TRIM4: variants seen among roughly 807,000 people sequenced by gnomAD.
The protein encoded by TRIM4 is tripartite motif containing 4.
In TRIM4, 29 loss-of-function variants were observed where a neutral mutation model predicts 33.7. The observed-to-expected ratio is 0.86, with a 90% CI of 0.64 to 1.17. The LOEUF (loss-of-function observed/expected upper bound fraction) is 1.17, where lower values mean the gene tolerates loss of function less well. Ranked by LOEUF, TRIM4 falls within the 50% of genes most tolerant of loss-of-function variation. The pLI is 0.00. For missense variants in TRIM4, 554 were observed against 593.7 expected (o/e 0.93, Z 0.69); for synonymous variants, 224 against 233.0 (o/e 0.96, Z 0.35).
chr7:99,895,317 G>A (rs1157156857), intron 5 of TRIM4, among the ~76,000 whole-genome samples: 2 of 151,994 alleles, frequency 1.3e-5, no homozygotes, highest in African/African-American at 4.8e-5. Flanking sequence ...TTAATTCAAG[G>A]GTTACTAAAA....
At chr7:99,893,808 TTAA>T (rs1267761560) in intron 5 of TRIM4, among the ~76,000 whole-genome samples, 1 of 152,108 alleles carries the variant, frequency 6.6e-6, no homozygotes. Flanking sequence ...ACTCAATGTG[TTAA>T]TAATGTCCTC....
chr7:99,892,131 G>A lies in TRIM4; in HGVS notation c.*32C>T, dbSNP rs954132880. On this transcript the variant is annotated 3_prime_UTR_variant, in exon 6 of 6. Transcript: ENST00000349062. The stretch of plus-strand genomic sequence containing the variant: ...ATGTGTGTCCCTCAGCTGGACTACA[G>A]GGAAGGAGTTTTGGTCAGGGGAAGA... 11 of 1,560,692 alleles carry A rather than the reference G, an allele frequency of 7.0e-6. No individual in the cohort carries two copies. Among genetic ancestry groups the A allele is most frequent in the Non-Finnish European group, 9.5e-6 (11 of 1,152,990 alleles).
intron 2 of TRIM4, 73 bp downstream of exon 2, chr7:99,909,492 C>T: frequency 7.5e-7 from 1 of 1,337,410 alleles, no homozygotes; most frequent in Non-Finnish European, 1.1e-6. Flanking sequence ...ACCAAAAGGA[C>T]CTCAGAAGCA....
rs770148766 is a variant in TRIM4, at chr7:99,919,374, A to T, written c.28T>A (p.Leu10Met). ...TAGTCCAGGCAGATGGGGCAGGTCAACTCCTCCTGGATGTCCTCAGCTTCC... is the reference window on the plus strand; with the variant it reads ...TAGTCCAGGCAGATGGGGCAGGTCATCTCCTCCTGGATGTCCTCAGCTTCC... The part of the protein sequence containing the change: MEAEDIQEE[L>M]TCPICLDYFQ... Residue 10 changes from leucine to methionine, a missense_variant, in exon 1 of 6, where the codon TTG (leucine) becomes ATG (methionine). Leu to Met is a conservative substitution (Grantham distance 15, BLOSUM62 2). Coordinates refer to ENST00000349062, the MANE Select transcript of TRIM4 (RefSeq NM_033091.3). The T allele has an allele frequency of 6.4e-7, 1 of 1,574,786 alleles. No individual in the cohort carries two copies. The highest frequency in any genetic ancestry group is 8.6e-7 in the Non-Finnish European group (1 of 1,162,436).
At chr7:99,897,979 G>A (rs926676697) in intron 5 of TRIM4, among the ~76,000 whole-genome samples, 6 of 152,344 alleles carry the variant, frequency 3.9e-5, no homozygotes, top group African/African-American at 1.4e-4. Flanking sequence ...GGTGCACATG[G>A]TGACCTCTTT....
At chr7:99,912,126 T>G (rs1819459353) in intron 1 of TRIM4, among the ~76,000 whole-genome samples, 1 of 152,190 alleles carries the variant, frequency 6.6e-6, no homozygotes, top group Non-Finnish European at 1.5e-5. Context: ...GGAAAGGGCA[T>G]GAAAGAATTC....
At chr7:99,902,758 C>T (rs953350709) in intron 5 of TRIM4, among the ~76,000 whole-genome samples, 3 of 151,914 alleles carry the variant, frequency 2.0e-5, no homozygotes, top group African/African-American at 7.3e-5. Flanking sequence ...TTCTCCACAC[C>T]TTAGCTCATG....
At position 99,905,582 on chromosome 7, in the gene TRIM4, G is replaced by C. The variant is rs114259666; in HGVS notation, c.721-1984C>G. ...GGATAAGTCTTTGCTGGGAGCTGAA[G>C]GCAGGCATGTCCTGTGCATTACAGA... On this transcript the variant is annotated intron_variant, in intron 3 of 5. Transcript: ENST00000349062. Among the ~76,000 whole-genome samples, 1,242 of 152,232 alleles carry C rather than the reference G, an allele frequency of 8.2e-3. 19 individuals are homozygous for C. Among genetic ancestry groups the C allele is most frequent in the African/African-American group, 0.028 (1,164 of 41,542 alleles).
intron 5 of TRIM4, among the ~76,000 whole-genome samples, chr7:99,897,513 T>A (rs1187228443): frequency 6.6e-6 from 1 of 152,160 alleles, no homozygotes; most frequent in African/African-American, 2.4e-5. Flanking sequence ...ATGCACTGTA[T>A]ACATGTATTG....
intron 5 of TRIM4, among the ~76,000 whole-genome samples, chr7:99,898,061 T>C (rs1819063000): frequency 6.6e-6 from 1 of 152,206 alleles, no homozygotes; most frequent in Non-Finnish European, 1.5e-5. Flanking sequence ...CCATGGGGCA[T>C]CCATGCTGCT....
At position 99,908,402 on chromosome 7, in the gene TRIM4, T is replaced by C. The variant is rs1355584112; in HGVS notation, c.720+180A>G. The C allele has an allele frequency of 6.9e-6, 4 of 582,516 alleles. No individual in the cohort carries two copies. The African/African-American group carries it at 7.4e-5, about 11-fold the overall frequency. The allele number at this position is 582,516 out of a possible 1,614,324, so 36.1% of individuals were successfully genotyped here. ...ATGAGCTGAGCTCAGCATACCTACA[T>C]TTCACATTAATTTCCTTTGAATGGT... On this transcript the variant is annotated intron_variant, in intron 3 of 5. Coordinates refer to ENST00000349062, the MANE Select transcript of TRIM4 (RefSeq NM_033091.3).
chr7:99,916,783 A>C (rs1187469951), intron 1 of TRIM4: 2 of 780,856 alleles, frequency 2.6e-6, no homozygotes. Flanking sequence ...TACCTGTCTA[A>C]AACAAAAAAA....
intron 1 of TRIM4, chr7:99,916,720 C>A: frequency 1.3e-6 from 1 of 781,034 alleles, no homozygotes; most frequent in South Asian, 1.3e-5. Context: ...TAAAATGGTA[C>A]AAGAGCAGCC....
intron 5 of TRIM4, among the ~76,000 whole-genome samples, chr7:99,894,689 G>C (rs1262217411): frequency 6.7e-6 from 1 of 148,510 alleles, no homozygotes; most frequent in Non-Finnish European, 1.5e-5. Context: ...AAAAAGAAAA[G>C]AAAAGAAAGA....
At chr7:99,895,762 C>G (rs1175040190) in intron 5 of TRIM4, among the ~76,000 whole-genome samples, 1 of 152,226 alleles carries the variant, frequency 6.6e-6, no homozygotes, top group Non-Finnish European at 1.5e-5. Flanking sequence ...TCTTGACGAA[C>G]TGACCACTTT....
chr7:99,891,091 C>G lies in TRIM4; in HGVS notation c.*1072G>C, dbSNP rs1818883247. On this transcript the variant is annotated 3_prime_UTR_variant, in exon 6 of 6. Coordinates refer to ENST00000349062, the MANE Select transcript of TRIM4 (RefSeq NM_033091.3). ...CAGTAACTGCCACAATCTCCTGAGT[C>G]CAGACAATCTAGAGCAGAAGGGTAG... 1 of 152,116 alleles carries G rather than the reference C, an allele frequency of 6.6e-6. No individual in the cohort carries two copies. Among genetic ancestry groups the G allele is most frequent in the African/African-American group, 2.4e-5 (1 of 41,424 alleles). The allele number at this position is 152,116 out of a possible 1,614,324, so 9.4% of individuals were successfully genotyped here. A position where few individuals can be genotyped will look rare whatever the true frequency, so the allele number is the denominator to read the frequency against.
intron 3 of TRIM4, among the ~76,000 whole-genome samples, chr7:99,906,679 A>G (rs1490991192): frequency 1.3e-5 from 2 of 152,004 alleles, no homozygotes; most frequent in African/African-American, 4.8e-5. Flanking sequence ...AAACCCAAGG[A>G]CCAATTTAAA....
chr7:99,898,025 T>TGGCAGG (rs1819061695), intron 5 of TRIM4, among the ~76,000 whole-genome samples: 1 of 152,242 alleles, frequency 6.6e-6, no homozygotes, highest in Non-Finnish European at 1.5e-5. Flanking sequence ...TGCAGAGAGT[T>TGGCAGG]GCCCCTCTCC....
At chr7:99,893,967 CTTT>C (rs74857142) in intron 5 of TRIM4, among the ~76,000 whole-genome samples, 15 of 137,158 alleles carry the variant, frequency 1.1e-4, no homozygotes, top group Non-Finnish European at 7.9e-5. Context: ...CATGGTTTTC[CTTT>C]TTTTTTTTTT....
Sources: allele counts gnomAD v4.1 joint callset (sites outside exome capture counted in the v4.1 genomes callset), GRCh38; gene constraint gnomAD v4.1.1; transcripts MANE v1.5; gene names NCBI Gene and HGNC (gene_info 2026-07-23, HGNC 2026-07-21).